Variants in TMEM14A observed in about 807,000 individuals in gnomAD.
TMEM14A encodes the protein transmembrane protein 14A.
TMEM14A carries 8 observed loss-of-function variants against 11.6 expected under a neutral mutation model. The ratio of observed to expected loss-of-function variants is 0.69; its 90% CI spans 0.40 to 1.24. TMEM14A has a LOEUF of 1.24. TMEM14A is among the 50% of genes most tolerant of loss of function. The pLI is 0.01. For missense variants in TMEM14A, 108 were observed against 121.9 expected (o/e 0.89, Z 0.54); for synonymous variants, 34 against 45.5 (o/e 0.75, Z 1.02).
chr6:52,677,860 T>G (rs944039568), intron 2 of TMEM14A, among the ~76,000 whole-genome samples: 39 of 152,230 alleles, frequency 2.6e-4, no homozygotes, highest in Admixed American at 2.6e-3. Context: ...TGAATTTGAG[T>G]GAAAAAGCCA....
rs958326079 is a variant in TMEM14A, at chr6:52,685,021, A to G, written c.260+856A>G. Reference sequence around the variant, plus strand: ...CATTGGAAAATCTTAGTGACATAATAAGGTATAAAAACAGGATGAAAACAA... The same window carrying G: ...CATTGGAAAATCTTAGTGACATAATGAGGTATAAAAACAGGATGAAAACAA... On this transcript the variant is annotated intron_variant, in intron 4 of 4. Transcript: ENST00000211314. 3.9e-5 allele frequency among the ~76,000 whole-genome samples: 6 copies of G among 152,354 alleles called. No homozygotes were observed. In the South Asian group the frequency reaches 8.3e-4, roughly 21 times the overall value.
intron 1 of TMEM14A, among the ~76,000 whole-genome samples, chr6:52,676,207 T>G (rs996536432): frequency 2.0e-5 from 3 of 151,932 alleles, no homozygotes; most frequent in Non-Finnish European, 4.4e-5. Flanking sequence ...TGCTTAACAG[T>G]GATGAGGATG....
rs566547183 is a variant in TMEM14A, at chr6:52,681,642, C to T, written c.71-171C>T. Among the ~76,000 whole-genome samples the T allele has an allele frequency of 5.9e-5, 9 of 152,336 alleles. No individual in the cohort carries two copies. In the South Asian group the frequency reaches 1.9e-3, roughly 32 times the overall value. ...GCATTTGGGTTCAGCAGGAAACAGT[C>T]ATCTCCTAGAAAGTATCCATGAAGA... On this transcript the variant is annotated intron_variant, in intron 2 of 4. Transcript: ENST00000211314.
chr6:52,680,704 T>TATATATATATAC (rs371102796), intron 2 of TMEM14A, among the ~76,000 whole-genome samples: 15 of 51,104 alleles, frequency 2.9e-4, no homozygotes, highest in East Asian at 9.2e-4. Context: ...TATATATATA[T>TATATATATATAC]ACACATATAT....
chr6:52,686,530 C>T lies in TMEM14A; in HGVS notation c.*481C>T, dbSNP rs1238051319. On this transcript the variant is annotated 3_prime_UTR_variant, in exon 5 of 5. Coordinates refer to ENST00000211314, the MANE Select transcript of TMEM14A (RefSeq NM_014051.4). ...TCTTTAAAAAATTTTATTCTTAGCA[C>T]ACTGTTATGTCCTAACTGAATGTAT... is the stretch of plus-strand genomic sequence containing the variant. The T allele has an allele frequency of 5.3e-6, 2 of 380,536 alleles. No homozygotes were observed. The highest frequency in any genetic ancestry group is 7.3e-5 in the East Asian group (2 of 27,362). 23.6% of individuals were successfully genotyped at this position (380,536 alleles called of 1,614,324 possible).
intron 2 of TMEM14A, among the ~76,000 whole-genome samples, chr6:52,678,368 T>G (rs1184131181): frequency 1.4e-5 from 2 of 146,810 alleles, no homozygotes; most frequent in African/African-American, 5.1e-5. Context: ...TGTGTGTGTG[T>G]GTGGAAGGAA....
chr6:52,679,323 G>A (rs560593677), intron 2 of TMEM14A, among the ~76,000 whole-genome samples: 90 of 152,220 alleles, frequency 5.9e-4, no homozygotes, highest in Non-Finnish European at 1.1e-3. Flanking sequence ...AGGTAACATC[G>A]AGTGCCCAGA....
At chr6:52,680,669 GTATATATATA>G (rs749318698) in intron 2 of TMEM14A, among the ~76,000 whole-genome samples, 1 of 35,968 alleles carries the variant, frequency 2.8e-5, no homozygotes, top group African/African-American at 7.9e-5. Context: ...ATATATATGT[GTATATATATA>G]TATACATATA....
intron 1 of TMEM14A, among the ~76,000 whole-genome samples, chr6:52,674,240 AC>A (rs1247596955): frequency 6.6e-6 from 1 of 152,210 alleles, no homozygotes; most frequent in African/African-American, 2.4e-5. Context: ...ATTGTAAGTT[AC>A]CAGATGGAAC....
At chr6:52,685,534 G>A (rs761406119) in intron 4 of TMEM14A, among the ~76,000 whole-genome samples, 1 of 151,752 alleles carries the variant, frequency 6.6e-6, no homozygotes, top group Non-Finnish European at 1.5e-5. Context: ...GCAGTGAGCC[G>A]AGACTGCGTC....
chr6:52,678,073 A>C (rs1297579104), intron 2 of TMEM14A, among the ~76,000 whole-genome samples: 1 of 151,360 alleles, frequency 6.6e-6, no homozygotes, highest in Non-Finnish European at 1.5e-5. Context: ...TATTTGAAGG[A>C]AAAAAAAAGA....
intron 1 of TMEM14A, among the ~76,000 whole-genome samples, chr6:52,672,264 G>C (rs1033702909): frequency 3.3e-5 from 5 of 152,038 alleles, no homozygotes; most frequent in Non-Finnish European, 7.4e-5. Flanking sequence ...AAGGAGCTTG[G>C]CTGGCTGAGA....
At chr6:52,675,387 T>A (rs906336648) in intron 1 of TMEM14A, among the ~76,000 whole-genome samples, 9 of 152,222 alleles carry the variant, frequency 5.9e-5, no homozygotes, top group Admixed American at 4.6e-4. Flanking sequence ...ACTAGGGGTC[T>A]TAGAACTTAA....
At position 52,680,671 on chromosome 6, in the gene TMEM14A, A is replaced by ATATATATATACATATATGTG. The variant is rs1561875064; in HGVS notation, c.71-1132_71-1131insCATATATGTGTATATATATA. 2.1e-4 allele frequency among the ~76,000 whole-genome samples: 7 copies of ATATATATATACATATATGTG among 33,566 alleles called. 1 individual carries two copies. The highest frequency in any genetic ancestry group is 1.8e-3 in the South Asian group (2 of 1,116). The allele number at this position is 33,566 out of a possible 152,430, so 22.0% of individuals were successfully genotyped here. A position where few individuals can be genotyped will look rare whatever the true frequency, so the allele number is the denominator to read the frequency against. The stretch of plus-strand genomic sequence containing the variant: ...TATATGTGTGTGTATATATATGTGT[A>ATATATATATACATATATGTG]TATATATATATACATATATGTATAT... On this transcript the variant is annotated intron_variant, in intron 2 of 4. Transcript: ENST00000211314.
chr6:52,680,858 G>GGTGTGT (rs70977374), intron 2 of TMEM14A, among the ~76,000 whole-genome samples: 1 of 145,370 alleles, frequency 6.9e-6, no homozygotes, highest in Middle Eastern at 3.3e-3. Flanking sequence ...ATGCTGCTCT[G>GGTGTGT]GTGTGTGTGT....
intron 3 of TMEM14A, among the ~76,000 whole-genome samples, chr6:52,682,752 TA>T (rs559634118): frequency 8.4e-4 from 128 of 152,306 alleles, no homozygotes; most frequent in Non-Finnish European, 1.4e-3. Context: ...TTTTATTTTT[TA>T]TATCAATAAA....
chr6:52,685,770 A>G (rs909724069), intron 4 of TMEM14A, among the ~76,000 whole-genome samples: 1 of 152,130 alleles, frequency 6.6e-6, no homozygotes, highest in African/African-American at 2.4e-5. Context: ...TTTCTCTTAT[A>G]AACCCTCATC....
At position 52,684,158 on chromosome 6, in the gene TMEM14A, G is replaced by A. The variant is rs5028973; in HGVS notation, c.253G>A (p.Gly85Ser). 4.3e-6 allele frequency: 7 copies of A among 1,613,332 alleles called. No homozygotes were observed. The highest frequency in any genetic ancestry group is 3.3e-5 in the South Asian group (3 of 90,986). The change falls in exon 4 of 5, where the codon GGT becomes AGT. Residue 85 changes from glycine (G) to serine (S), a missense_variant. By Grantham distance (56) the Gly-to-Ser change is moderately conservative. Transcript: ENST00000211314. The part of the protein sequence containing the change: ...KKIMPAGLVA[G>S]LSLMMILRLV... Reference sequence around the variant, plus strand: ...AATAATGCCTGCTGGTTTGGTTGCAGGTTTAAGGTAAGTAAAACTATTTTG... The same window carrying A: ...AATAATGCCTGCTGGTTTGGTTGCAAGTTTAAGGTAAGTAAAACTATTTTG...
chr6:52,676,992 ACACAGCCAAAC>A, intron 1 of TMEM14A, 84 bp from the exon 2 acceptor site: 1 of 1,161,972 alleles, frequency 8.6e-7, no homozygotes, highest in South Asian at 1.3e-5. Flanking sequence ...GGGTGGGGAC[ACACAGCCAAAC>A]CATATAAGCG....
Sources: allele counts gnomAD v4.1 joint callset (sites outside exome capture counted in the v4.1 genomes callset), GRCh38; gene constraint gnomAD v4.1.1; transcripts MANE v1.5; gene names NCBI Gene and HGNC (gene_info 2026-07-23, HGNC 2026-07-21).